The following DLG2 variants were observed in gnomAD, a reference collection of about 807,000 sequenced individuals.
DLG2 encodes the protein disks large homolog 2.
In DLG2, 45 loss-of-function variants were observed where a neutral mutation model predicts 132.5. The ratio of observed to expected loss-of-function variants is 0.34; its 90% CI spans 0.27 to 0.44. The LOEUF is 0.44. Among genes scored for constraint, DLG2 ranks in the 20% least tolerant of loss-of-function variants. The pLI is 1.00. For synonymous variants in DLG2, 424 were observed against 419.6 expected (o/e 1.01, Z -0.13); for missense variants, 1,045 against 1,196.9 (o/e 0.87, Z 1.87).
At chr11:85,168,245 T>C (rs1391963678) in intron 4 of DLG2, among the ~76,000 whole-genome samples, 3 of 152,080 alleles carry the variant, frequency 2.0e-5, no homozygotes, top group Non-Finnish European at 2.9e-5. Flanking sequence ...TAAAACCATG[T>C]GGAAAGATTT....
At chr11:84,068,559 C>A (rs1373192490) in intron 10 of DLG2, among the ~76,000 whole-genome samples, 1 of 151,792 alleles carries the variant, frequency 6.6e-6, no homozygotes, top group East Asian at 1.9e-4. Flanking sequence ...AATAAAAATA[C>A]AGGACAATCA....
intron 6 of DLG2, among the ~76,000 whole-genome samples, chr11:84,600,887 G>A (rs535583460): frequency 6.6e-6 from 1 of 152,294 alleles, no homozygotes; most frequent in African/African-American, 2.4e-5. Flanking sequence ...ACTGGTACAT[G>A]GTAGGTGTCC....
At chr11:85,006,230 T>C (rs2154133023) in intron 6 of DLG2, among the ~76,000 whole-genome samples, 1 of 152,360 alleles carries the variant, frequency 6.6e-6, no homozygotes, top group East Asian at 1.9e-4. Context: ...ATCAGGATGA[T>C]GCTGTCCTCA....
chr11:85,584,261 G>A lies in DLG2; in HGVS notation c.40+14396C>T, dbSNP rs868074369. Reference sequence around the variant, plus strand: ...TTCCATTCCTGAGTTACTTCACTTAGAATAATGGTCTCCAACCCCATCCAG... The same window carrying A: ...TTCCATTCCTGAGTTACTTCACTTAAAATAATGGTCTCCAACCCCATCCAG... On this transcript the variant is annotated intron_variant, in intron 3 of 27. Coordinates refer to ENST00000376104, the MANE Select transcript of DLG2 (RefSeq NM_001142699.3). Among the ~76,000 whole-genome samples, 4 of 151,814 alleles carry A rather than the reference G, an allele frequency of 2.6e-5. No individual in the cohort carries two copies. In the South Asian group the frequency reaches 8.3e-4, roughly 32 times the overall value.
At chr11:84,716,502 G>A (rs960714158) in intron 6 of DLG2, among the ~76,000 whole-genome samples, 5 of 151,904 alleles carry the variant, frequency 3.3e-5, no homozygotes, top group Admixed American at 2.0e-4. Context: ...TACTATATAG[G>A]CTGGCCCTTG....
chr11:84,562,733 TTTTC>T (rs996957988), intron 6 of DLG2, among the ~76,000 whole-genome samples: 18 of 151,910 alleles, frequency 1.2e-4, no homozygotes, highest in East Asian at 3.9e-4. Flanking sequence ...CTTTACCTCT[TTTTC>T]TTTCTTTCTT....
At chr11:85,173,651 C>T (rs548827139) in intron 4 of DLG2, among the ~76,000 whole-genome samples, 1 of 152,046 alleles carries the variant, frequency 6.6e-6, no homozygotes, top group East Asian at 1.9e-4. Context: ...AATAAATGGG[C>T]TAAATGTTCC....
intron 21 of DLG2, among the ~76,000 whole-genome samples, chr11:83,532,041 T>G (rs2095761717): frequency 6.6e-6 from 1 of 152,052 alleles, no homozygotes; most frequent in Non-Finnish European, 1.5e-5. Flanking sequence ...GGTTTCTTTA[T>G]GGAGTGATGA....
intron 15 of DLG2, among the ~76,000 whole-genome samples, chr11:83,889,933 G>C (rs1378662904): frequency 5.9e-5 from 8 of 135,844 alleles, no homozygotes; most frequent in Non-Finnish European, 3.1e-5. Context: ...ACACAGGAAG[G>C]GGAACATCAC....
chr11:83,688,807 G>T (rs568243802), intron 18 of DLG2, among the ~76,000 whole-genome samples: 2 of 152,028 alleles, frequency 1.3e-5, no homozygotes, highest in East Asian at 1.9e-4. Flanking sequence ...TCTATTATCT[G>T]GTCCCCTATA....
At chr11:85,222,709 G>C (rs1216188074) in intron 4 of DLG2, among the ~76,000 whole-genome samples, 1 of 152,166 alleles carries the variant, frequency 6.6e-6, no homozygotes, top group Admixed American at 6.6e-5. Flanking sequence ...TCTTGAGATA[G>C]AAAATAAATA....
At chr11:85,465,682 C>T (rs1372381026) in intron 3 of DLG2, among the ~76,000 whole-genome samples, 26 of 152,302 alleles carry the variant, frequency 1.7e-4, no homozygotes, top group African/African-American at 2.4e-5. Context: ...ATGTGTGCCA[C>T]ATTGTCTTAA....
chr11:85,173,177 C>A (rs1329969758), intron 4 of DLG2, among the ~76,000 whole-genome samples: 1 of 152,080 alleles, frequency 6.6e-6, no homozygotes, highest in East Asian at 1.9e-4. Flanking sequence ...TCGTCAGATT[C>A]TCCTAGGTTG....
chr11:84,814,635 A>G (rs1327564622), intron 6 of DLG2, among the ~76,000 whole-genome samples: 1 of 152,026 alleles, frequency 6.6e-6, no homozygotes, highest in Non-Finnish European at 1.5e-5. Context: ...CTCATCTCTG[A>G]ATAGATGTTT....
rs538433575 is a variant in DLG2, at chr11:84,349,170, T to C, written c.520-97879A>G. 4.1e-4 allele frequency among the ~76,000 whole-genome samples: 62 copies of C among 152,286 alleles called. 2 individuals carry two copies. The South Asian group carries it at 0.012, about 30-fold the overall frequency. ...TTCCTCGTGTGGCAGGCTAAGTGCATGATCTCAATATTGACCCAAATTATT... is the reference window on the plus strand; with the variant it reads ...TTCCTCGTGTGGCAGGCTAAGTGCACGATCTCAATATTGACCCAAATTATT... On this transcript the variant is annotated intron_variant, in intron 7 of 27. Coordinates refer to ENST00000376104, the MANE Select transcript of DLG2 (RefSeq NM_001142699.3).
At chr11:85,176,924 G>C (rs1407646183) in intron 4 of DLG2, among the ~76,000 whole-genome samples, 4 of 152,108 alleles carry the variant, frequency 2.6e-5, no homozygotes, top group African/African-American at 9.7e-5. Context: ...TTTCATGCCA[G>C]TCAGAATGGC....
At chr11:84,121,520 T>C (rs1019866356) in intron 9 of DLG2, among the ~76,000 whole-genome samples, 3 of 150,128 alleles carry the variant, frequency 2.0e-5, no homozygotes, top group African/African-American at 7.3e-5. Flanking sequence ...ATATGTTTAC[T>C]CTCACTTATA....
chr11:83,895,537 A>T (rs1170389727), intron 15 of DLG2, among the ~76,000 whole-genome samples: 1 of 152,122 alleles, frequency 6.6e-6, no homozygotes, highest in Non-Finnish European at 1.5e-5. Flanking sequence ...ATTTCCAAAC[A>T]TCTTTTATTT....
intron 6 of DLG2, among the ~76,000 whole-genome samples, chr11:84,650,865 G>GTA (rs1416161421): frequency 2.8e-4 from 25 of 87,826 alleles, no homozygotes; most frequent in African/African-American, 1.1e-3. Context: ...GTGTGTGTGT[G>GTA]TGTGTGTGTA....
Sources: allele counts gnomAD v4.1 joint callset (sites outside exome capture counted in the v4.1 genomes callset), GRCh38; gene constraint gnomAD v4.1.1; transcripts MANE v1.5; gene names NCBI Gene and HGNC (gene_info 2026-07-23, HGNC 2026-07-21).